Variants in ADAMTSL1 observed in about 807,000 individuals in gnomAD.
ADAMTSL1 encodes the protein ADAMTS like 1.
Under a neutral mutation model 201.8 loss-of-function variants are expected in ADAMTSL1, and 126 were observed. The observed-to-expected ratio is 0.62, with a 90% CI of 0.54 to 0.72. The LOEUF is 0.72. Ranked by LOEUF, ADAMTSL1 falls within the 30% of genes least tolerant of loss-of-function variation. The pLI is 0.00. For missense variants in ADAMTSL1, 2,679 were observed against 2,277.8 expected (o/e 1.18, Z -3.59); for synonymous variants, 1,121 against 903.4 (o/e 1.24, Z -4.32).
At chr9:18,476,669 G>A (rs1246571103) in intron 1 of ADAMTSL1, among the ~76,000 whole-genome samples, 1 of 148,908 alleles carries the variant, frequency 6.7e-6, no homozygotes, top group African/African-American at 2.4e-5. Context: ...TTTTCCTATA[G>A]TCTTTTTTTT....
chr9:18,691,810 A>G (rs901469164), intron 13 of ADAMTSL1, among the ~76,000 whole-genome samples: 2 of 152,186 alleles, frequency 1.3e-5, no homozygotes, highest in Admixed American at 1.3e-4. Flanking sequence ...ACTACCTCAT[A>G]GGGTTCTTCT....
intron 21 of ADAMTSL1, among the ~76,000 whole-genome samples, chr9:18,823,785 T>G (rs1318166456): frequency 6.6e-6 from 1 of 152,170 alleles, no homozygotes; most frequent in East Asian, 1.9e-4. Flanking sequence ...GGTCAGGAGT[T>G]CAACGCCAGC....
At chr9:18,377,630 C>T (rs757571380) in intron 2 of ADAMTSL1, among the ~76,000 whole-genome samples, 9 of 152,078 alleles carry the variant, frequency 5.9e-5, no homozygotes, top group East Asian at 1.9e-4. Context: ...AGTGCAGTGG[C>T]GCCATTTTGG....
At chr9:18,252,365 C>G (rs910377047) in intron 2 of ADAMTSL1, among the ~76,000 whole-genome samples, 2 of 152,130 alleles carry the variant, frequency 1.3e-5, no homozygotes, top group Non-Finnish European at 2.9e-5. Flanking sequence ...AAATGAGATA[C>G]AGTTGCCCCT....
chr9:18,651,375 C>T (rs1828241781), intron 7 of ADAMTSL1: 2 of 152,192 alleles, frequency 1.3e-5, no homozygotes, highest in Non-Finnish European at 2.9e-5. Context: ...TCAGCTCTAC[C>T]TGTTAAAGCA....
At chr9:18,571,169 G>C (rs963429332) in intron 3 of ADAMTSL1, among the ~76,000 whole-genome samples, 8 of 152,176 alleles carry the variant, frequency 5.3e-5, no homozygotes, top group African/African-American at 1.9e-4. Flanking sequence ...TCTGTACTAA[G>C]ATGATATTGC....
rs1388895590 is a variant in ADAMTSL1 at position 18,783,943 on chromosome 9, A to G, written c.3677+6037A>G. Among the ~76,000 whole-genome samples the G allele has an allele frequency of 2.0e-5, 3 of 152,182 alleles. No homozygotes were observed. In the East Asian group the frequency reaches 5.8e-4, roughly 29 times the overall value. ...TAGCAAACCTGTCCATGCTGCTTTCATGCTTAAAAATTCGTTTCATGGCTT... is the reference window on the plus strand; with the variant it reads ...TAGCAAACCTGTCCATGCTGCTTTCGTGCTTAAAAATTCGTTTCATGGCTT... On this transcript the variant is annotated intron_variant, in intron 19 of 28. Coordinates refer to ENST00000380548, the MANE Select transcript of ADAMTSL1 (RefSeq NM_001040272.6).
intron 23 of ADAMTSL1, among the ~76,000 whole-genome samples, chr9:18,867,653 A>T (rs1827622557): frequency 1.3e-5 from 2 of 151,916 alleles, no homozygotes; most frequent in East Asian, 3.9e-4. Context: ...TTTTAGATGG[A>T]GTCTTGCTCT....
At chr9:18,648,308 T>C (rs1471436703) in intron 7 of ADAMTSL1, among the ~76,000 whole-genome samples, 1 of 148,480 alleles carries the variant, frequency 6.7e-6, no homozygotes, top group African/African-American at 2.5e-5. Flanking sequence ...GTTTCCTGAA[T>C]ACAGCACACT....
At chr9:18,677,145 C>T (rs1830175694) in intron 10 of ADAMTSL1, among the ~76,000 whole-genome samples, 3 of 151,712 alleles carry the variant, frequency 2.0e-5, no homozygotes, top group African/African-American at 7.3e-5. Flanking sequence ...CATTTTTCAC[C>T]TAATGATCAC....
rs377319412 is a variant in ADAMTSL1 at position 17,935,997 on chromosome 9, C to G, written c.87+29075C>G. Among the ~76,000 whole-genome samples the G allele has an allele frequency of 3.7e-4, 56 of 152,332 alleles. 1 individual carries two copies. In the South Asian group the frequency reaches 8.1e-3, roughly 22 times the overall value. On this transcript the variant is annotated intron_variant, in intron 1 of 29. Coordinates refer to the ADAMTSL1 transcript ENST00000680146. ...TACCAGTTTCTCCTTACTTACTATTCTCTAGCTTCACTGGTCTTTGCTGTT... is the reference window on the plus strand; with the variant it reads ...TACCAGTTTCTCCTTACTTACTATTGTCTAGCTTCACTGGTCTTTGCTGTT...
In ADAMTSL1 at chr9:18,474,172, G is replaced by C; in HGVS notation, c.-61G>C. 6.6e-7 allele frequency: 1 copy of C among 1,514,772 alleles called. No homozygotes were observed. The allele number at this position is 1,514,772 out of a possible 1,614,324, so 93.8% of individuals were successfully genotyped here. A position where few individuals can be genotyped will look rare whatever the true frequency, so the allele number is the denominator to read the frequency against. On this transcript the variant is annotated 5_prime_UTR_variant, in exon 1 of 29. Coordinates refer to ENST00000380548, the MANE Select transcript of ADAMTSL1 (RefSeq NM_001040272.6). ...AGCACCAGTACTGGATGTGACAGCA[G>C]GCAGAGGAGCACTTAGCAGCTTATT...
intron 2 of ADAMTSL1, among the ~76,000 whole-genome samples, chr9:18,360,964 C>T (rs1353192105): frequency 1.3e-5 from 2 of 152,088 alleles, no homozygotes; most frequent in Non-Finnish European, 2.9e-5. Context: ...GAGTAAATCT[C>T]AGGAGTTAAC....
At chr9:18,572,959 A>G (rs901631168) in intron 3 of ADAMTSL1, among the ~76,000 whole-genome samples, 6 of 152,298 alleles carry the variant, frequency 3.9e-5, no homozygotes, top group Non-Finnish European at 7.4e-5. Flanking sequence ...AGATAAACCT[A>G]TCAAAAAGCC....
At chr9:18,283,644 G>A (rs1168257769) in intron 2 of ADAMTSL1, among the ~76,000 whole-genome samples, 2 of 146,362 alleles carry the variant, frequency 1.4e-5, no homozygotes, top group African/African-American at 5.0e-5. Flanking sequence ...TGGGTGCAGT[G>A]GCTCAAGCCT....
At chr9:17,946,724 C>T (rs1427057999) in intron 1 of ADAMTSL1, among the ~76,000 whole-genome samples, 1 of 152,122 alleles carries the variant, frequency 6.6e-6, no homozygotes, top group Non-Finnish European at 1.5e-5. Context: ...GGAGCTCTCA[C>T]CATTGAATTA....
intron 1 of ADAMTSL1, among the ~76,000 whole-genome samples, chr9:18,007,585 G>T (rs1330634750): frequency 6.6e-6 from 1 of 151,966 alleles, no homozygotes; most frequent in East Asian, 1.9e-4. Context: ...GAGGCAGGTG[G>T]ATTAGATAAG....
At chr9:18,281,160 G>T (rs976619516) in intron 2 of ADAMTSL1, among the ~76,000 whole-genome samples, 2 of 151,998 alleles carry the variant, frequency 1.3e-5, no homozygotes, top group African/African-American at 4.8e-5. Context: ...CCATGTAAAT[G>T]GCAATGCAGA....
At chr9:18,471,792 A>T (rs1370286930), upstream of ADAMTSL1, among the ~76,000 whole-genome samples, 1 of 152,192 alleles carries the variant, frequency 6.6e-6, no homozygotes, top group East Asian at 1.9e-4. Flanking sequence ...TTATTCGGTG[A>T]CTTCATTGAG....
Sources: gnomAD v4.1 joint callset for allele counts (sites outside exome capture counted in the v4.1 genomes callset) on GRCh38, gnomAD v4.1.1 for gene constraint, MANE v1.5 for transcripts, NCBI Gene and HGNC (gene_info 2026-07-23, HGNC 2026-07-21) for gene names.